TRAPPC12: variants seen among roughly 807,000 people sequenced by gnomAD.
TRAPPC12 encodes the protein TPR repeat protein 15.
Under a neutral mutation model 69.2 loss-of-function variants are expected in TRAPPC12, and 61 were observed. The ratio of observed to expected loss-of-function variants is 0.88; its 90% CI spans 0.72 to 1.09. The LOEUF (loss-of-function observed/expected upper bound fraction) is 1.09. Among genes scored for constraint, TRAPPC12 ranks in the 50% least tolerant of loss-of-function variants. The pLI is 0.00. For synonymous variants in TRAPPC12, 469 were observed against 438.9 expected (o/e 1.07, Z -0.86); for missense variants, 1,101 against 1,016.4 (o/e 1.08, Z -1.13).
intron 2 of TRAPPC12, among the ~76,000 whole-genome samples, 168 bp from the exon 3 acceptor site, chr2:3,401,609 G>A (rs553613460): frequency 2.0e-5 from 3 of 152,346 alleles, no homozygotes; most frequent in African/African-American, 4.8e-5. Context: ...ATTAACGATT[G>A]TGCTAATTTA....
chr2:3,453,098 C>G (rs1315670553), intron 6 of TRAPPC12, among the ~76,000 whole-genome samples: 3 of 152,352 alleles, frequency 2.0e-5, no homozygotes, highest in Admixed American at 1.3e-4. Context: ...GCACTTTGCT[C>G]TGTGTGTGGA....
chr2:3,443,916 T>C (rs1664363438), intron 6 of TRAPPC12, 25 bp downstream of exon 6: 2 of 1,556,372 alleles, frequency 1.3e-6, no homozygotes, highest in East Asian at 4.5e-5. Flanking sequence ...CATTCTTCCC[T>C]GCCACGGGGA....
At chr2:3,466,605 CACAT>C (rs1665823236) in intron 9 of TRAPPC12, among the ~76,000 whole-genome samples, 1 of 152,226 alleles carries the variant, frequency 6.6e-6, no homozygotes, top group South Asian at 2.1e-4. Flanking sequence ...CAGTTGCTCA[CACAT>C]GCACTGACAC....
intron 3 of TRAPPC12, among the ~76,000 whole-genome samples, chr2:3,411,552 T>TA (rs1197873198): frequency 2.6e-5 from 4 of 152,272 alleles, no homozygotes; most frequent in Non-Finnish European, 5.9e-5. Context: ...ATACTATACA[T>TA]AGTGTGCATG....
intron 3 of TRAPPC12, among the ~76,000 whole-genome samples, chr2:3,419,048 C>G (rs1662617551): frequency 6.6e-6 from 1 of 152,178 alleles, no homozygotes; most frequent in Non-Finnish European, 1.5e-5. Flanking sequence ...CCCTGTGCCC[C>G]CCATGCCTGC....
rs534424547 is a variant in TRAPPC12 at position 3,474,305 on chromosome 2, C to T, written c.1777-3390C>T. ...AAGGAAGCCAGTCCAAGTCCCAGAA[C>T]CTCGGCAAGTCTGCTCTTTCCAACT... On this transcript the variant is annotated intron_variant, in intron 9 of 11. Coordinates refer to ENST00000324266, the MANE Select transcript of TRAPPC12 (RefSeq NM_016030.6). Among the ~76,000 whole-genome samples, 4 of 152,344 alleles carry T rather than the reference C, an allele frequency of 2.6e-5. No individual in the cohort carries two copies. The South Asian group carries it at 8.3e-4, about 32-fold the overall frequency.
intron 2 of TRAPPC12, among the ~76,000 whole-genome samples, chr2:3,393,746 A>T (rs1379650401): frequency 6.6e-6 from 1 of 151,916 alleles, no homozygotes; most frequent in East Asian, 1.9e-4. Context: ...TTCCATAAAG[A>T]GTGAGTAGCT....
intron 9 of TRAPPC12, among the ~76,000 whole-genome samples, chr2:3,474,092 C>A (rs1207208367): frequency 6.6e-6 from 1 of 152,206 alleles, no homozygotes. Flanking sequence ...GATGAGGAAT[C>A]CCAAAACTGT....
intron 8 of TRAPPC12, among the ~76,000 whole-genome samples, chr2:3,462,241 C>T (rs1312210760): frequency 6.6e-6 from 1 of 152,150 alleles, no homozygotes. Context: ...CACCAGGCTC[C>T]GAATGTGAGT....
intron 6 of TRAPPC12, among the ~76,000 whole-genome samples, chr2:3,448,649 TG>T (rs1263542903): frequency 7.2e-6 from 1 of 139,074 alleles, no homozygotes; most frequent in East Asian, 2.0e-4. Context: ...GGGTAGGGCG[TG>T]GAGAGCAGCC....
chr2:3,417,447 C>A (rs1662483066), intron 3 of TRAPPC12, among the ~76,000 whole-genome samples: 1 of 152,020 alleles, frequency 6.6e-6, no homozygotes, highest in Non-Finnish European at 1.5e-5. Context: ...GATTCGTTTT[C>A]CAAACATTTT....
chr2:3,424,800 C>A, intron 5 of TRAPPC12, 137 bp downstream of exon 5: 2 of 962,646 alleles, frequency 2.1e-6, no homozygotes, highest in Non-Finnish European at 3.0e-6. Flanking sequence ...CAGCAACAAG[C>A]CTTGACTTAC....
intron 9 of TRAPPC12, among the ~76,000 whole-genome samples, chr2:3,474,663 T>C (rs1016145067): frequency 6.6e-6 from 1 of 152,208 alleles, no homozygotes; most frequent in African/African-American, 2.4e-5. Flanking sequence ...GTATCTGGTT[T>C]GCGTGTGCAC....
intron 2 of TRAPPC12, among the ~76,000 whole-genome samples, chr2:3,399,981 A>G (rs910155149): frequency 2.6e-5 from 4 of 152,160 alleles, no homozygotes; most frequent in Non-Finnish European, 4.4e-5. Flanking sequence ...TGTGGCTGGG[A>G]GGCAGCTTTG....
intron 8 of TRAPPC12, chr2:3,460,718 C>T (rs925342338): frequency 5.2e-6 from 1 of 191,636 alleles, no homozygotes; most frequent in Non-Finnish European, 1.1e-5. Flanking sequence ...ATGATTGATG[C>T]TTACAACACC....
intron 6 of TRAPPC12, chr2:3,456,328 G>T (rs1665149190): frequency 6.6e-6 from 1 of 152,194 alleles, no homozygotes; most frequent in African/African-American, 2.4e-5. Context: ...CCTGGGGTGG[G>T]CCGTGTGGGG....
chr2:3,466,353 G>A (rs7574517), intron 9 of TRAPPC12: 190,396 of 470,840 alleles, frequency 0.4, 39,366 homozygotes, highest in Middle Eastern at 0.47. Flanking sequence ...ATGGCTGAGC[G>A]GGGAGAAGCA....
At chr2:3,417,528 T>C (rs1662487699) in intron 3 of TRAPPC12, among the ~76,000 whole-genome samples, 2 of 152,258 alleles carry the variant, frequency 1.3e-5, no homozygotes, top group South Asian at 4.1e-4. Context: ...ATCTCACCAT[T>C]GTGACCTGAT....
intron 2 of TRAPPC12, among the ~76,000 whole-genome samples, chr2:3,394,201 A>G (rs1660986633): frequency 6.6e-6 from 1 of 152,204 alleles, no homozygotes. Flanking sequence ...CATCTGGAAG[A>G]CAGTGTGTCC....
Sources: allele counts gnomAD v4.1 joint callset (sites outside exome capture counted in the v4.1 genomes callset), GRCh38; gene constraint gnomAD v4.1.1; transcripts MANE v1.5; gene names NCBI Gene and HGNC (gene_info 2026-07-23, HGNC 2026-07-21).